CHN2: variants seen among roughly 807,000 people sequenced by gnomAD.
CHN2 encodes the protein beta-chimaerin.
CHN2 carries 35 observed loss-of-function variants against 56.3 expected under a neutral mutation model. The ratio of observed to expected loss-of-function variants is 0.62; its 90% confidence interval spans 0.47 to 0.82. The LOEUF is 0.82. Among genes scored for constraint, CHN2 ranks in the 40% least tolerant of loss-of-function variants. The pLI is 0.00. For missense variants in CHN2, 491 were observed against 580.5 expected (o/e 0.85, Z 1.58); for synonymous variants, 210 against 212.8 (o/e 0.99, Z 0.12).
intron 6 of CHN2, chr7:29,401,200 G>A (rs1279338585): frequency 4.9e-6 from 1 of 202,506 alleles, no homozygotes; most frequent in Non-Finnish European, 1.0e-5. Flanking sequence ...CCCAGGACGG[G>A]GAGCTTGCAG....
In CHN2 at chr7:29,459,005, A is replaced by G. The variant is rs372658679; in HGVS notation, c.577-21274A>G. Reference sequence around the variant, plus strand: ...TGAATTTGACAGTGATCCTTTCACAAAGAAGTTTCCCTGGTTTTGAATTAA... The same window carrying G: ...TGAATTTGACAGTGATCCTTTCACAGAGAAGTTTCCCTGGTTTTGAATTAA... On this transcript the variant is annotated intron_variant, in intron 6 of 12. Transcript: ENST00000222792. 1.1e-4 allele frequency among the ~76,000 whole-genome samples: 16 copies of G among 152,330 alleles called. No homozygotes were observed. In the East Asian group the frequency reaches 3.1e-3, roughly 29 times the overall value.
chr7:29,254,117 C>A (rs758614839), intron 1 of CHN2, among the ~76,000 whole-genome samples: 1 of 152,138 alleles, frequency 6.6e-6, no homozygotes, highest in Non-Finnish European at 1.5e-5. Flanking sequence ...GTTGGTCAGG[C>A]TGGTTTCGAA....
At chr7:29,463,904 C>T (rs1331124235) in intron 6 of CHN2, among the ~76,000 whole-genome samples, 1 of 152,214 alleles carries the variant, frequency 6.6e-6, no homozygotes, top group Non-Finnish European at 1.5e-5. Flanking sequence ...TGAATTGTAC[C>T]TTATGCCATC....
At chr7:29,420,723 A>G (rs1804250757) in intron 6 of CHN2, among the ~76,000 whole-genome samples, 2 of 152,222 alleles carry the variant, frequency 1.3e-5, no homozygotes, top group South Asian at 2.1e-4. Flanking sequence ...TTGTACAACA[A>G]TGTGAGTATG....
rs1489608684 is a variant in CHN2, at chr7:29,278,649, G to T, written c.50-75976G>T. ...CCCATACCCTCCAAACCACGACCTT[G>T]CTGCAGGCTCCACAGGGTTGGCCCA... On this transcript the variant is annotated intron_variant, in intron 1 of 12. Transcript: ENST00000222792. 2.6e-5 allele frequency among the ~76,000 whole-genome samples: 4 copies of T among 152,282 alleles called. 1 individual carries two copies. The East Asian group carries it at 7.7e-4, about 29-fold the overall frequency.
intron 7 of CHN2, among the ~76,000 whole-genome samples, chr7:29,494,560 G>A (rs948994347): frequency 2.0e-5 from 3 of 152,036 alleles, no homozygotes; most frequent in Non-Finnish European, 4.4e-5. Flanking sequence ...GTTAAAAAAT[G>A]CTTTGTCATT....
At chr7:29,232,766 G>A (rs1786822085) in intron 1 of CHN2, among the ~76,000 whole-genome samples, 2 of 152,040 alleles carry the variant, frequency 1.3e-5, no homozygotes, top group South Asian at 4.2e-4. Context: ...TTGAATGCAG[G>A]GTACCATTAA....
chr7:29,293,721 A>C (rs887959922), intron 1 of CHN2, among the ~76,000 whole-genome samples: 1 of 152,160 alleles, frequency 6.6e-6, no homozygotes, highest in Non-Finnish European at 1.5e-5. Flanking sequence ...CGTACTTGAA[A>C]GGCACAGGTG....
intron 2 of CHN2, among the ~76,000 whole-genome samples, chr7:29,163,751 A>G (rs1180650620): frequency 2.0e-5 from 3 of 152,182 alleles, no homozygotes; most frequent in Admixed American, 2.0e-4. Flanking sequence ...ACTATAGATT[A>G]GCTTGCATTT....
chr7:29,440,142 C>A (rs907187445), intron 6 of CHN2, among the ~76,000 whole-genome samples: 2 of 152,112 alleles, frequency 1.3e-5, no homozygotes, highest in Non-Finnish European at 2.9e-5. Flanking sequence ...TGAAAAACAA[C>A]AAATTCTAGC....
rs1257311214 is a variant in CHN2, at chr7:29,490,124, T to C, written c.655-5828T>C. ...GTGATGTCATTCCTTTTTTTTTTTT[T>C]TTTGAAACACCATTTGCCAGAAAAG... On this transcript the variant is annotated intron_variant, in intron 7 of 12. Transcript: ENST00000222792. Among the ~76,000 whole-genome samples the C allele has an allele frequency of 2.1e-5, 3 of 146,146 alleles. No individual in the cohort carries two copies. The East Asian group carries it at 5.8e-4, about 28-fold the overall frequency.
chr7:29,327,343 G>A (rs979369287), intron 1 of CHN2, among the ~76,000 whole-genome samples: 21 of 152,176 alleles, frequency 1.4e-4, no homozygotes, highest in Admixed American at 1.3e-3. Context: ...AGGAGTTTGT[G>A]TTTTGCTAAT....
chr7:29,401,874 C>A (rs1394345030), intron 6 of CHN2, among the ~76,000 whole-genome samples: 1 of 152,178 alleles, frequency 6.6e-6, no homozygotes, highest in African/African-American at 2.4e-5. Context: ...CCTTGAGGGA[C>A]CATCTGCTTT....
At chr7:29,190,859 C>A (rs1011095882), upstream of CHN2, among the ~76,000 whole-genome samples, 13 of 152,058 alleles carry the variant, frequency 8.5e-5, no homozygotes, top group African/African-American at 3.1e-4. Flanking sequence ...TGAACAACAT[C>A]CACTGAGCAC....
At chr7:29,429,466 G>T (rs1027892715) in intron 6 of CHN2, among the ~76,000 whole-genome samples, 3 of 152,162 alleles carry the variant, frequency 2.0e-5, no homozygotes, top group African/African-American at 7.2e-5. Flanking sequence ...TTTGATATCT[G>T]ATACCAATTA....
intron 1 of CHN2, among the ~76,000 whole-genome samples, chr7:29,339,931 T>G (rs1454516389): frequency 6.6e-6 from 1 of 152,138 alleles, no homozygotes; most frequent in Non-Finnish European, 1.5e-5. Context: ...AAGGCTATGT[T>G]GTGGAGACCA....
At chr7:29,481,793 G>A (rs1787280843) in intron 7 of CHN2, among the ~76,000 whole-genome samples, 1 of 151,954 alleles carries the variant, frequency 6.6e-6, no homozygotes, top group South Asian at 2.1e-4. Flanking sequence ...CTAGTGATGA[G>A]AGGATGGATC....
chr7:29,324,446 G>C (rs2128896942), intron 1 of CHN2, among the ~76,000 whole-genome samples: 1 of 152,258 alleles, frequency 6.6e-6, no homozygotes, highest in African/African-American at 2.4e-5. Context: ...TTTAGGGAAA[G>C]GCAAGATAGG....
chr7:29,263,865 C>T (rs1288371617), intron 1 of CHN2, among the ~76,000 whole-genome samples: 11 of 151,154 alleles, frequency 7.3e-5, no homozygotes, highest in Admixed American at 6.6e-4. Context: ...CCCCTCCGCC[C>T]GGCAGCCGCC....
Sources: gnomAD v4.1 joint callset for allele counts (sites outside exome capture counted in the v4.1 genomes callset) on GRCh38, gnomAD v4.1.1 for gene constraint, MANE v1.5 for transcripts, NCBI Gene and HGNC (gene_info 2026-07-23, HGNC 2026-07-21) for gene names.